Variants in NXPH1 observed in about 807,000 individuals in gnomAD.
The protein encoded by NXPH1 is neurexophilin-1.
In NXPH1, 5 loss-of-function variants were observed where a neutral mutation model predicts 23.7. That is an observed-to-expected ratio of 0.21 (90% CI 0.11 to 0.44). The LOEUF (loss-of-function observed/expected upper bound fraction) is 0.44. NXPH1 is among the 20% of genes least tolerant of loss of function. NXPH1 has a pLI of 0.99. For missense variants in NXPH1, 324 were observed against 321.6 expected (o/e 1.01, Z -0.06); for synonymous variants, 144 against 122.2 (o/e 1.18, Z -1.18).
intron 2 of NXPH1, among the ~76,000 whole-genome samples, chr7:8,525,760 G>A (rs1046963042): frequency 6.6e-6 from 1 of 152,228 alleles, no homozygotes; most frequent in African/African-American, 2.4e-5. Flanking sequence ...TGAGCATGTG[G>A]GTGCACAGAA....
chr7:8,631,653 C>T (rs558547365), intron 2 of NXPH1, among the ~76,000 whole-genome samples: 7 of 152,172 alleles, frequency 4.6e-5, no homozygotes, highest in South Asian at 4.1e-4. Flanking sequence ...AGTATGTCCA[C>T]GAAATGACCA....
intron 2 of NXPH1, among the ~76,000 whole-genome samples, chr7:8,685,130 C>G (rs1250031750): frequency 6.6e-6 from 1 of 152,070 alleles, no homozygotes; most frequent in Non-Finnish European, 1.5e-5. Context: ...CAAAACCTGC[C>G]CTTATATGAT....
At chr7:8,606,091 C>A (rs558603807) in intron 2 of NXPH1, among the ~76,000 whole-genome samples, 1 of 152,144 alleles carries the variant, frequency 6.6e-6, no homozygotes, top group Admixed American at 6.6e-5. Flanking sequence ...CAATGACCTA[C>A]AATGATGCTA....
intron 2 of NXPH1, among the ~76,000 whole-genome samples, chr7:8,562,496 T>G (rs1031394380): frequency 4.0e-5 from 6 of 151,484 alleles, no homozygotes; most frequent in Admixed American, 2.6e-4. Flanking sequence ...AATTCAGCCC[T>G]GGTGATAATG....
chr7:8,670,761 A>T (rs1372986306), intron 2 of NXPH1, among the ~76,000 whole-genome samples: 2 of 152,260 alleles, frequency 1.3e-5, no homozygotes, highest in African/African-American at 4.8e-5. Context: ...AGTTACCTGC[A>T]TCACAGAAGA....
At chr7:8,556,777 C>T (rs1241856895) in intron 2 of NXPH1, among the ~76,000 whole-genome samples, 1 of 151,182 alleles carries the variant, frequency 6.6e-6, no homozygotes, top group Non-Finnish European at 1.5e-5. Flanking sequence ...AGCATGGAAA[C>T]CCCTTGGTAG....
chr7:8,501,583 C>A (rs920949407), intron 2 of NXPH1, among the ~76,000 whole-genome samples: 1 of 152,006 alleles, frequency 6.6e-6, no homozygotes, highest in South Asian at 2.1e-4. Context: ...CAAATATTAA[C>A]ATTAAAGCAT....
At chr7:8,709,417 T>G (rs1426689511) in intron 2 of NXPH1, among the ~76,000 whole-genome samples, 1 of 152,210 alleles carries the variant, frequency 6.6e-6, no homozygotes, top group African/African-American at 2.4e-5. Context: ...CCTAAATATT[T>G]CCAGGATTTG....
intron 2 of NXPH1, among the ~76,000 whole-genome samples, chr7:8,498,428 A>C (rs1057128732): frequency 6.6e-6 from 1 of 152,010 alleles, no homozygotes; most frequent in Admixed American, 6.6e-5. Context: ...CTGGTTTATC[A>C]GTCCCTCTAT....
intron 2 of NXPH1, among the ~76,000 whole-genome samples, chr7:8,689,443 A>T (rs2115182449): frequency 6.6e-6 from 1 of 152,296 alleles, no homozygotes; most frequent in African/African-American, 2.4e-5. Context: ...GGGACCTACA[A>T]GGTAATATGA....
At chr7:8,544,442 A>C (rs957605634) in intron 2 of NXPH1, among the ~76,000 whole-genome samples, 2 of 151,638 alleles carry the variant, frequency 1.3e-5, no homozygotes, top group Non-Finnish European at 3.0e-5. Flanking sequence ...ACTTACAGAC[A>C]AAGACATAGA....
chr7:8,604,954 A>AT (rs1263108328), intron 2 of NXPH1, among the ~76,000 whole-genome samples: 2 of 152,066 alleles, frequency 1.3e-5, no homozygotes, highest in African/African-American at 2.4e-5. Context: ...CATGCTTGCC[A>AT]TTTTTTCTCC....
At chr7:8,599,007 G>A (rs112264204) in intron 2 of NXPH1, among the ~76,000 whole-genome samples, 5 of 152,224 alleles carry the variant, frequency 3.3e-5, no homozygotes, top group African/African-American at 1.2e-4. Flanking sequence ...TAAATTTATT[G>A]GGAGAAGGGG....
intron 2 of NXPH1, among the ~76,000 whole-genome samples, chr7:8,569,270 G>T (rs1818603978): frequency 6.6e-6 from 1 of 151,772 alleles, no homozygotes; most frequent in African/African-American, 2.4e-5. Flanking sequence ...ATTAGAAAAG[G>T]GGGAGGAGCC....
At chr7:8,660,121 A>T (rs1390966757) in intron 2 of NXPH1, among the ~76,000 whole-genome samples, 3 of 152,228 alleles carry the variant, frequency 2.0e-5, no homozygotes, top group Non-Finnish European at 4.4e-5. Context: ...CAGCAGATAC[A>T]TGGAGCATCT....
In NXPH1 at chr7:8,632,728, A is replaced by G. The variant is rs539510431; in HGVS notation, c.55-118280A>G. Among the ~76,000 whole-genome samples the G allele has an allele frequency of 7.9e-5, 12 of 152,286 alleles. No individual in the cohort carries two copies. The South Asian group carries it at 2.3e-3, about 29-fold the overall frequency. ...AACTTACTCTCAAATTTCCCCTCCC[A>G]TGAGAATTTCCGTGGTGTAGAGCTG... On this transcript the variant is annotated intron_variant, in intron 2 of 2. Transcript: ENST00000405863.
At chr7:8,534,809 A>C (rs1169700295) in intron 2 of NXPH1, among the ~76,000 whole-genome samples, 2 of 152,048 alleles carry the variant, frequency 1.3e-5, no homozygotes. Flanking sequence ...TTGTTAAGTC[A>C]TTTGCTCAAA....
chr7:8,737,124 ATTTAC>A (rs1780273576), intron 2 of NXPH1, among the ~76,000 whole-genome samples: 2 of 152,112 alleles, frequency 1.3e-5, no homozygotes, highest in Non-Finnish European at 2.9e-5. Flanking sequence ...CTTTTAGCCC[ATTTAC>A]ATTTAAAGTT....
At chr7:8,542,889 C>G (rs1462722326) in intron 2 of NXPH1, among the ~76,000 whole-genome samples, 1 of 151,514 alleles carries the variant, frequency 6.6e-6, no homozygotes, top group African/African-American at 2.4e-5. Flanking sequence ...TATACATGTA[C>G]TTTGGATAAA....
Sources: gnomAD v4.1 joint callset for allele counts (sites outside exome capture counted in the v4.1 genomes callset) on GRCh38, gnomAD v4.1.1 for gene constraint, MANE v1.5 for transcripts, NCBI Gene and HGNC (gene_info 2026-07-23, HGNC 2026-07-21) for gene names.